ZNF462: variants seen among roughly 807,000 people sequenced by gnomAD.
ZNF462 encodes the protein zinc finger protein 462.
Under a neutral mutation model 201.9 loss-of-function variants are expected in ZNF462, and 10 were observed. That is an observed-to-expected ratio of 0.05 (90% CI 0.03 to 0.08). ZNF462 has a LOEUF of 0.08. Among genes scored for constraint, ZNF462 ranks in the 10% least tolerant of loss-of-function variants. ZNF462 has a pLI of 1.00. For synonymous variants in ZNF462, 1,227 were observed against 1,193.3 expected (o/e 1.03, Z -0.58); for missense variants, 2,523 against 3,168.3 (o/e 0.80, Z 4.89).
intron 6 of ZNF462, among the ~76,000 whole-genome samples, chr9:106,937,266 C>T (rs4743039): frequency 0.51 from 77,348 of 151,804 alleles, 21,633 homozygotes; most frequent in African/African-American, 0.77. Context: ...TATATATTGT[C>T]ATATATATAT....
At chr9:106,944,235 G>A (rs1831007912) in intron 7 of ZNF462, among the ~76,000 whole-genome samples, 1 of 152,124 alleles carries the variant, frequency 6.6e-6, no homozygotes, top group East Asian at 1.9e-4. Flanking sequence ...ACAGTGTTTG[G>A]TTGCAGTTAA....
intron 1 of ZNF462, among the ~76,000 whole-genome samples, chr9:106,891,358 T>C (rs1048181943): frequency 5.3e-5 from 8 of 152,196 alleles, no homozygotes; most frequent in African/African-American, 1.9e-4. Flanking sequence ...CTGAGTTATC[T>C]GTGTCCTCTG....
intron 1 of ZNF462, among the ~76,000 whole-genome samples, chr9:106,892,803 C>T (rs568161206): frequency 6.6e-6 from 1 of 152,232 alleles, no homozygotes; most frequent in South Asian, 2.1e-4. Context: ...CTTGCTAACC[C>T]AGAGACTTGA....
At chr9:106,956,935 C>T (rs1212728047) in intron 7 of ZNF462, among the ~76,000 whole-genome samples, 1 of 152,136 alleles carries the variant, frequency 6.6e-6, no homozygotes, top group Admixed American at 6.6e-5. Flanking sequence ...ATCTTCTATC[C>T]AGGCTACTAC....
chr9:106,955,185 A>G (rs1032858439), intron 7 of ZNF462, among the ~76,000 whole-genome samples: 1 of 152,144 alleles, frequency 6.6e-6, no homozygotes, highest in Non-Finnish European at 1.5e-5. Flanking sequence ...CTTTGTATCT[A>G]TCAGGTATCT....
intron 1 of ZNF462, among the ~76,000 whole-genome samples, chr9:106,898,047 A>T (rs1040120615): frequency 2.0e-5 from 3 of 152,232 alleles, no homozygotes; most frequent in African/African-American, 7.2e-5. Context: ...CCACATTTAT[A>T]CATTTCTCAA....
chr9:106,935,496 C>A lies in ZNF462; in HGVS notation c.6117-7C>A. ...CATTTTTCTTTTTGTTTTCCTTCTA[C>A]ATCAAGTTTGGATCGCCATATGCAA... On this transcript the variant is annotated splice_region_variant and splice_polypyrimidine_tract_variant and intron_variant, in intron 5 of 12. Coordinates refer to ENST00000277225, the MANE Select transcript of ZNF462 (RefSeq NM_021224.6). This position sits in a 1 kb window ranked among gnomAD's most constrained non-coding sequence, Gnocchi z 4.1. 1 of 1,611,748 alleles carries A rather than the reference C, an allele frequency of 6.2e-7. No individual in the cohort carries two copies. Among genetic ancestry groups the A allele is most frequent in the East Asian group, 2.2e-5 (1 of 44,866 alleles).
intron 7 of ZNF462, among the ~76,000 whole-genome samples, chr9:106,946,950 C>G (rs986146740): frequency 3.9e-5 from 6 of 152,140 alleles, no homozygotes; most frequent in Non-Finnish European, 1.5e-5. Flanking sequence ...AAATGTTGTA[C>G]ACATATTTTT....
intron 7 of ZNF462, among the ~76,000 whole-genome samples, chr9:106,945,975 T>A (rs1831087874): frequency 6.6e-6 from 1 of 152,226 alleles, no homozygotes. Flanking sequence ...TTCTGTGACT[T>A]TGAATTAGCC....
Position 106,935,859 on chromosome 9 carries a change from T to G in ZNF462, c.6235+238T>G, listed in dbSNP as rs1830609895. ...CCTATGTCACCCATGTTATGGTTAG[T>G]TCGTTCGTCCTACTGACAAGTTAGA... On this transcript the variant is annotated intron_variant, in intron 6 of 12. Coordinates refer to ENST00000277225, the MANE Select transcript of ZNF462 (RefSeq NM_021224.6). This position sits in a 1 kb window ranked among gnomAD's most constrained non-coding sequence, Gnocchi z 4.1. Among the ~76,000 whole-genome samples, 1 of 152,230 alleles carries G rather than the reference T, an allele frequency of 6.6e-6. No individual in the cohort carries two copies. The highest frequency in any genetic ancestry group is 1.5e-5 in the Non-Finnish European group (1 of 68,042).
intron 9 of ZNF462, among the ~76,000 whole-genome samples, chr9:106,979,937 C>T (rs1033204109): frequency 1.3e-5 from 2 of 152,168 alleles, no homozygotes; most frequent in African/African-American, 4.8e-5. Context: ...TAGACAAATG[C>T]CGCATTTAAC....
intron 1 of ZNF462, among the ~76,000 whole-genome samples, chr9:106,868,490 C>T (rs1212946212): frequency 6.6e-6 from 1 of 152,192 alleles, no homozygotes; most frequent in Non-Finnish European, 1.5e-5. Context: ...TATTATTTCT[C>T]ATGCAGAAAT....
At chr9:106,903,661 T>C (rs932345523) in intron 1 of ZNF462, among the ~76,000 whole-genome samples, 6 of 152,230 alleles carry the variant, frequency 3.9e-5, no homozygotes, top group African/African-American at 1.4e-4. Context: ...ACAAGGCCTT[T>C]TACCATTGTA....
chr9:106,989,322 T>G (rs1209106717), intron 10 of ZNF462, among the ~76,000 whole-genome samples: 3 of 152,178 alleles, frequency 2.0e-5, no homozygotes, highest in Non-Finnish European at 4.4e-5. Flanking sequence ...CAAATTCTGT[T>G]TATGTGGTGT....
At chr9:106,878,979 ATAAAG>A (rs143782277) in intron 1 of ZNF462, among the ~76,000 whole-genome samples, 4,770 of 152,264 alleles carry the variant, frequency 0.031, 128 homozygotes, top group South Asian at 0.05. Flanking sequence ...ATAGAATTTA[ATAAAG>A]TAAAGTTTAA....
At chr9:106,940,864 C>T (rs1395198656) in intron 7 of ZNF462, among the ~76,000 whole-genome samples, 4 of 152,028 alleles carry the variant, frequency 2.6e-5, no homozygotes, top group African/African-American at 9.7e-5. Flanking sequence ...TTCTATTCAC[C>T]AGGAAAGGTT....
At position 106,932,874 on chromosome 9, in the gene ZNF462, G is replaced by A. The variant is rs1053024301; in HGVS notation, c.6116+325G>A. 2 of 432,402 alleles carry A rather than the reference G, an allele frequency of 4.6e-6. No homozygotes were observed. Among genetic ancestry groups the A allele is most frequent in the East Asian group, 9.5e-5 (2 of 21,128 alleles). 26.8% of individuals were successfully genotyped at this position (432,402 alleles called of 1,614,324 possible). On this transcript the variant is annotated intron_variant, in intron 5 of 12. Coordinates refer to ENST00000277225, the MANE Select transcript of ZNF462 (RefSeq NM_021224.6). This position sits in a 1 kb window ranked among gnomAD's most constrained non-coding sequence, Gnocchi z 6.8. ...CGTTCAAACATTCAGCCAAAATCTA[G>A]TCATTGTTTGAGGAAGTAAAGTCCA...
At position 106,924,410 on chromosome 9, in the gene ZNF462, T is replaced by A. The variant is rs551302264; in HGVS notation, c.498T>A (p.Phe166Leu). 1.2e-6 allele frequency: 2 copies of A among 1,614,166 alleles called. No individual in the cohort carries two copies. The highest frequency in any genetic ancestry group is 1.7e-6 in the Non-Finnish European group (2 of 1,180,026). The stretch of plus-strand genomic sequence containing the variant: ...TTGGAAAGGTCTTCTCTTGCCAGTT[T>A]TGCACATACAAGTCACCAAGAAGGG... ...EGFGKVFSCQFCTYKSPRRAR... is the reference protein window; with the variant it reads ...EGFGKVFSCQLCTYKSPRRAR... Residue 166 changes from phenylalanine to leucine, a missense_variant, in exon 3 of 13, where the codon TTT (phenylalanine) becomes TTA (leucine). This residue lies in a region of ZNF462 where 480 missense variants were observed against 544.4 expected (regional missense o/e 0.88). Coordinates refer to ENST00000277225, the MANE Select transcript of ZNF462 (RefSeq NM_021224.6). This position sits in a 1 kb window ranked among gnomAD's most constrained non-coding sequence, Gnocchi z 6.2.
At position 107,011,011 on chromosome 9, in the gene ZNF462, C is replaced by T; in HGVS notation, c.7502C>T (p.Ala2501Val). 1 of 1,613,340 alleles carries T rather than the reference C, an allele frequency of 6.2e-7. No individual in the cohort carries two copies. The highest frequency in any genetic ancestry group is 8.5e-7 in the Non-Finnish European group (1 of 1,179,816). Residue 2501 changes from alanine (A) to valine (V), a missense_variant, in exon 13 of 13, where the codon GCA (alanine) becomes GTA (valine). Coordinates refer to ENST00000277225, the MANE Select transcript of ZNF462 (RefSeq NM_021224.6). The surrounding 1 kb of genome is among the most constrained non-coding windows in gnomAD (Gnocchi z 5.6). ...GCCGACAAATCTCTCCTGGAGAATG[C>T]AGAGGCCAAAAAAGAATGAGCGTTT... Reference protein sequence around the residue: ...VTADKSLLENAEAKKE With the variant: ...VTADKSLLENVEAKKE
Sources: allele counts gnomAD v4.1 joint callset (sites outside exome capture counted in the v4.1 genomes callset), GRCh38; gene constraint gnomAD v4.1.1; regional missense constraint gnomAD v4.1.1; non-coding constraint Gnocchi (gnomAD v3.1); transcripts MANE v1.5; gene names NCBI Gene and HGNC (gene_info 2026-07-23, HGNC 2026-07-21).